Variants in ZNF423 observed in about 807,000 individuals in gnomAD.
The protein encoded by ZNF423 is Ebf-associated zinc finger protein.
Under a neutral mutation model 95.8 loss-of-function variants are expected in ZNF423, and 12 were observed. That is an observed-to-expected ratio of 0.13 (90% CI 0.08 to 0.20). ZNF423 has a LOEUF of 0.20. Among genes scored for constraint, ZNF423 ranks in the 10% least tolerant of loss-of-function variants. The pLI, the probability that ZNF423 is intolerant of heterozygous loss-of-function variation, is 1.00. For missense variants in ZNF423, 1,316 were observed against 1,737.1 expected, an observed-to-expected ratio of 0.76 and a Z score of 4.31; for synonymous variants, 749 against 711.9, an observed-to-expected ratio of 1.05 and a Z score of -0.83.
At chr16:49,535,506 A>G (rs1421653237) in intron 5 of ZNF423, among the ~76,000 whole-genome samples, 2 of 152,212 alleles carry the variant, frequency 1.3e-5, no homozygotes, top group Non-Finnish European at 2.9e-5. Flanking sequence ...ACACCAAGAG[A>G]CAGGAGGTAA....
intron 3 of ZNF423, among the ~76,000 whole-genome samples, chr16:49,665,294 C>T (rs868762511): frequency 6.6e-6 from 1 of 152,220 alleles, no homozygotes; most frequent in Admixed American, 6.5e-5. Context: ...GATGTGCCTA[C>T]AACCCAGCAG....
intron 3 of ZNF423, among the ~76,000 whole-genome samples, chr16:49,646,019 G>A (rs543412655): frequency 1.3e-5 from 2 of 152,218 alleles, no homozygotes; most frequent in African/African-American, 2.4e-5. Context: ...TTTATTCACA[G>A]CAGCATGAGA....
chr16:49,509,144 C>T (rs1442067612), intron 7 of ZNF423, among the ~76,000 whole-genome samples: 2 of 152,134 alleles, frequency 1.3e-5, no homozygotes, highest in Non-Finnish European at 2.9e-5. Flanking sequence ...CAAAGTGGCT[C>T]GCTAAGTCGT....
At chr16:49,745,879 G>A (rs922460154) in intron 2 of ZNF423, among the ~76,000 whole-genome samples, 2 of 152,192 alleles carry the variant, frequency 1.3e-5, no homozygotes, top group African/African-American at 2.4e-5. Flanking sequence ...GGGAGCCCAC[G>A]GGGATGGAGC....
chr16:49,655,729 C>T (rs369171539), intron 3 of ZNF423, among the ~76,000 whole-genome samples: 3 of 152,276 alleles, frequency 2.0e-5, no homozygotes, highest in African/African-American at 7.2e-5. Flanking sequence ...CAAATACACA[C>T]CATGGACCTC....
intron 5 of ZNF423, among the ~76,000 whole-genome samples, chr16:49,530,476 A>G (rs1384699852): frequency 2.0e-5 from 3 of 152,180 alleles, no homozygotes; most frequent in Non-Finnish European, 4.4e-5. Flanking sequence ...CAGACAGAGT[A>G]ACATAAACTC....
chr16:49,677,909 G>A (rs543600761), intron 3 of ZNF423, among the ~76,000 whole-genome samples: 152 of 152,156 alleles, frequency 1.0e-3, no homozygotes, highest in African/African-American at 2.8e-3. Context: ...TTGGCCAGGC[G>A]CAGTGGCTCA....
intron 2 of ZNF423, among the ~76,000 whole-genome samples, chr16:49,777,458 GCACACACAA>G (rs2034140581): frequency 6.6e-6 from 1 of 152,228 alleles, no homozygotes; most frequent in Non-Finnish European, 1.5e-5. Flanking sequence ...GCACATGCAT[GCACACACAA>G]TGACTTGTGA....
intron 1 of ZNF423, among the ~76,000 whole-genome samples, chr16:49,851,992 T>C (rs2035307081): frequency 6.6e-6 from 1 of 152,354 alleles, no homozygotes; most frequent in Admixed American, 6.5e-5. Context: ...CAAGATCATG[T>C]ACATTTAGCC....
intron 5 of ZNF423, among the ~76,000 whole-genome samples, chr16:49,559,886 C>T (rs949104824): frequency 8.5e-5 from 13 of 152,190 alleles, no homozygotes; most frequent in African/African-American, 2.2e-4. Context: ...GAGGTGCAAA[C>T]GGTACCACTG....
chr16:49,561,934 C>T (rs140263986), intron 5 of ZNF423, among the ~76,000 whole-genome samples: 6 of 152,222 alleles, frequency 3.9e-5, no homozygotes, highest in Admixed American at 1.3e-4. Context: ...AATTCAGGCA[C>T]GTGCTCTGCT....
At chr16:49,615,412 C>T (rs575868875) in intron 5 of ZNF423, among the ~76,000 whole-genome samples, 220 of 152,110 alleles carry the variant, frequency 1.4e-3, no homozygotes, top group African/African-American at 5.1e-3. Flanking sequence ...AATCTGGACA[C>T]CTAGAGGGGA....
At chr16:49,577,298 A>G (rs1970529839) in intron 5 of ZNF423, among the ~76,000 whole-genome samples, 1 of 152,226 alleles carries the variant, frequency 6.6e-6, no homozygotes, top group Non-Finnish European at 1.5e-5. Context: ...TATGCACTCT[A>G]CATACTTAGC....
At chr16:49,699,570 T>C (rs79350442) in intron 3 of ZNF423, among the ~76,000 whole-genome samples, 1,809 of 151,858 alleles carry the variant, frequency 0.012, 32 homozygotes, top group African/African-American at 0.042. Context: ...ATTTGGCAAA[T>C]AGTATGTGTT....
At chr16:49,815,902 ATATATATATATATTT>A (rs1567356392) in intron 1 of ZNF423, among the ~76,000 whole-genome samples, 21 of 46,688 alleles carry the variant, frequency 4.5e-4, no homozygotes, top group African/African-American at 1.7e-3. Context: ...ATATATATAT[ATATATATATATATTT>A]TTTTTTTTTT....
chr16:49,636,391 T>C lies in ZNF423; in HGVS notation c.2785A>G (p.Lys929Glu), dbSNP rs981912101. The C allele has an allele frequency of 6.2e-7, 1 of 1,613,172 alleles. No homozygotes were observed. The highest frequency in any genetic ancestry group is 1.7e-5 in the Admixed American group (1 of 60,026). Residue 929 changes from lysine to glutamate, a missense_variant, in exon 4 of 8, where the codon AAG (lysine) becomes GAG (glutamate). Lys to Glu is a moderately conservative substitution (Grantham distance 56). Coordinates refer to ENST00000563137, the MANE Select transcript of ZNF423 (RefSeq NM_001379286.1). The surrounding 1 kb of genome is among the most constrained non-coding windows in gnomAD (Gnocchi z 8.6). ...CTGCCCTTGATAAACTCAGCCTTCT[T>C]GCGTGAGCCATCATCCTCGCCCGGC... is the stretch of plus-strand genomic sequence containing the variant. ...IRPGEDDGSR[K>E]KAEFIKGSHK...
At chr16:49,578,018 C>T (rs1288748894) in intron 5 of ZNF423, among the ~76,000 whole-genome samples, 3 of 152,236 alleles carry the variant, frequency 2.0e-5, no homozygotes, top group African/African-American at 7.2e-5. Flanking sequence ...TGTCCAGCAC[C>T]TGCATTTGGA....
chr16:49,607,843 G>A (rs36006439), intron 5 of ZNF423, among the ~76,000 whole-genome samples: 42,014 of 152,102 alleles, frequency 0.28, 5,998 homozygotes, highest in South Asian at 0.4. Context: ...GTGGGAATGC[G>A]GGGAGGGGGC....
chr16:49,728,809 C>T (rs2033091731), intron 3 of ZNF423, among the ~76,000 whole-genome samples: 2 of 152,050 alleles, frequency 1.3e-5, no homozygotes, highest in South Asian at 2.1e-4. Flanking sequence ...CTTGGCTCAC[C>T]GCAACCTCCA....
Sources: gnomAD v4.1 joint callset for allele counts (sites outside exome capture counted in the v4.1 genomes callset) on GRCh38, gnomAD v4.1.1 for gene constraint, Gnocchi (gnomAD v3.1) non-coding constraint, MANE v1.5 for transcripts, NCBI Gene and HGNC (gene_info 2026-07-23, HGNC 2026-07-21) for gene names.